ANKRD66: variants seen among roughly 807,000 people sequenced by gnomAD.
ANKRD66 encodes ankyrin repeat domain-containing protein 66.
A neutral mutation model predicts 10.9 loss-of-function variants in ANKRD66; 10 were observed. The observed-to-expected ratio is 0.91, with a 90% CI of 0.56 to 1.55. The LOEUF (loss-of-function observed/expected upper bound fraction) is 1.55. ANKRD66 is among the 40% of genes most tolerant of loss of function. The probability of loss-of-function intolerance (pLI) is 0.00; values close to 1 mark genes in which losing one functional copy is unlikely to be tolerated. For synonymous variants in ANKRD66, 85 were observed against 88.4 expected (o/e 0.96, Z 0.22); for missense variants, 252 against 242.9 (o/e 1.04, Z -0.25).
At chr6:46,753,368 T>C (rs1434070538) in intron 3 of ANKRD66, among the ~76,000 whole-genome samples, 1 of 152,192 alleles carries the variant, frequency 6.6e-6, no homozygotes, top group Non-Finnish European at 1.5e-5. Context: ...GTTGAGACTG[T>C]CAAAAGCACA....
rs959065311 is a variant in ANKRD66 at position 46,748,210 on chromosome 6, T to G, written c.-97+1220T>G. On this transcript the variant is annotated intron_variant, in intron 1 of 4. Coordinates refer to ENST00000565422, the MANE Select transcript of ANKRD66 (RefSeq NM_001162435.3). ...TCAGGAAGTGTGAGTCCTCTAACTT[T>G]GCTCTCTTTCAAGATTGTTTTCTTC... Among the ~76,000 whole-genome samples the G allele has an allele frequency of 5.3e-5, 8 of 152,358 alleles. No homozygotes were observed. In the East Asian group the frequency reaches 5.8e-4, roughly 11 times the overall value.
chr6:46,756,979 C>T (rs990703517), intron 4 of ANKRD66: 12 of 152,186 alleles, frequency 7.9e-5, no homozygotes, highest in African/African-American at 2.7e-4. Flanking sequence ...CAGCCCCTCC[C>T]TAGTGACCAG....
chr6:46,749,274 C>T (rs1258942545), intron 1 of ANKRD66, among the ~76,000 whole-genome samples: 1 of 152,196 alleles, frequency 6.6e-6, no homozygotes, highest in Non-Finnish European at 1.5e-5. Flanking sequence ...GCCTCCATGT[C>T]TCCTGCCAAC....
chr6:46,753,849 T>G lies in ANKRD66; in HGVS notation c.291T>G (p.His97Gln). 1 of 1,551,724 alleles carries G rather than the reference T, an allele frequency of 6.4e-7. No homozygotes were observed. Among genetic ancestry groups the G allele is most frequent in the Non-Finnish European group, 8.7e-7 (1 of 1,146,994 alleles). The change falls in exon 4 of 5, where the codon CAT becomes CAG. Residue 97 changes from histidine (H) to glutamine (Q), a missense_variant. His to Gln is a conservative substitution (Grantham distance 24). Transcript: ENST00000565422. ...AGHLNILKTLHALHAAIDAPD... is the reference protein window; with the variant it reads ...AGHLNILKTLQALHAAIDAPD... ...ATCTGAATATACTCAAAACTCTCCA[T>G]GCATTGCACGCTGCCATCGACGCCC...
At chr6:46,753,463 AG>A (rs1284316303) in intron 3 of ANKRD66, among the ~76,000 whole-genome samples, 1 of 151,984 alleles carries the variant, frequency 6.6e-6, no homozygotes, top group East Asian at 1.9e-4. Flanking sequence ...TGCACAGGGG[AG>A]GGGAGTGTCC....
intron 1 of ANKRD66, 100 bp from the exon 2 acceptor site, chr6:46,749,795 CT>C: frequency 7.2e-7 from 1 of 1,394,630 alleles, no homozygotes; most frequent in Non-Finnish European, 9.5e-7. Context: ...AGAGAAAGCT[CT>C]TTTACTTTCC....
intron 2 of ANKRD66, among the ~76,000 whole-genome samples, chr6:46,750,777 G>T (rs1766253409): frequency 6.6e-6 from 1 of 150,858 alleles, no homozygotes; most frequent in Non-Finnish European, 1.5e-5. Flanking sequence ...GATAATTGTG[G>T]ATATTGTTTG....
intron 1 of ANKRD66, among the ~76,000 whole-genome samples, chr6:46,749,168 C>T (rs1214950081): frequency 3.9e-5 from 6 of 152,182 alleles, no homozygotes; most frequent in Non-Finnish European, 8.8e-5. Flanking sequence ...ACTGCCCAGG[C>T]CCTGCTGGTC....
At chr6:46,750,271 A>ATTTTGTTTATG (rs1766240704) in intron 2 of ANKRD66, among the ~76,000 whole-genome samples, 5 of 152,156 alleles carry the variant, frequency 3.3e-5, no homozygotes, top group Admixed American at 2.0e-4. Context: ...TTATGTGGTT[A>ATTTTGTTTATG]TGGTTGTCAA....
intron 1 of ANKRD66, among the ~76,000 whole-genome samples, chr6:46,747,300 T>C (rs1766164446): frequency 6.6e-6 from 1 of 152,222 alleles, no homozygotes; most frequent in African/African-American, 2.4e-5. Context: ...TAAAGCAGCT[T>C]TGTTAAAATA....
In ANKRD66 at chr6:46,758,984, C is replaced by A; in HGVS notation, c.*63C>A. 2.8e-6 allele frequency: 4 copies of A among 1,453,016 alleles called. No homozygotes were observed. Among genetic ancestry groups the A allele is most frequent in the Non-Finnish European group, 3.7e-6 (4 of 1,085,504 alleles). 90.0% of individuals were successfully genotyped at this position (1,453,016 alleles called of 1,614,324 possible). A position where few individuals can be genotyped will look rare whatever the true frequency, so the allele number is the denominator to read the frequency against. On this transcript the variant is annotated 3_prime_UTR_variant, in exon 5 of 5. Transcript: ENST00000565422. ...TGGTGCCAGAAATGAGGCTGTTAGG[C>A]ATGGTGGCCTTTCCATGACTTTACT...
intron 2 of ANKRD66, 55 bp downstream of exon 2, chr6:46,750,034 G>GTTAGAC (rs1766234386): frequency 1.1e-6 from 1 of 887,952 alleles, no homozygotes; most frequent in Non-Finnish European, 1.8e-6. Context: ...CCCAGGGGCT[G>GTTAGAC]CTGCTGCTGC....
chr6:46,752,864 C>T (rs1330960383), intron 3 of ANKRD66, among the ~76,000 whole-genome samples: 2 of 152,204 alleles, frequency 1.3e-5, no homozygotes, highest in South Asian at 2.1e-4. Flanking sequence ...GTGGCAAAAA[C>T]TCAGGCTGTG....
At chr6:46,749,769 A>G (rs1766228729) in intron 1 of ANKRD66, 127 bp from the exon 2 acceptor site, 9 of 1,198,140 alleles carry the variant, frequency 7.5e-6, no homozygotes, top group Non-Finnish European at 8.9e-6. Flanking sequence ...ATCAGGACCC[A>G]GCTTAGGCCA....
At chr6:46,749,039 G>A (rs1253041202) in intron 1 of ANKRD66, among the ~76,000 whole-genome samples, 1 of 152,186 alleles carries the variant, frequency 6.6e-6, no homozygotes. Context: ...TCGTAGGCCC[G>A]TGGTCACCAT....
At chr6:46,758,633 C>T (rs1174859817) in intron 4 of ANKRD66, 90 bp from the exon 5 acceptor site, 24 of 1,262,576 alleles carry the variant, frequency 1.9e-5, no homozygotes, top group South Asian at 5.1e-5. Flanking sequence ...AACTGAACTG[C>T]GGTGTGCAGA....
intron 2 of ANKRD66, among the ~76,000 whole-genome samples, chr6:46,751,722 C>A (rs937301762): frequency 2.6e-5 from 4 of 152,144 alleles, no homozygotes; most frequent in African/African-American, 7.2e-5. Flanking sequence ...ATTCTGTGTG[C>A]AGTGGGAGCC....
At chr6:46,748,668 A>G (rs1473904904) in intron 1 of ANKRD66, among the ~76,000 whole-genome samples, 1 of 152,182 alleles carries the variant, frequency 6.6e-6, no homozygotes, top group Non-Finnish European at 1.5e-5. Context: ...CTTGTCCTGC[A>G]CACCCAAAGA....
chr6:46,751,977 C>T lies in ANKRD66; in HGVS notation c.29C>T (p.Thr10Ile). The T allele has an allele frequency of 6.7e-7, 1 of 1,484,696 alleles. No homozygotes were observed. Among genetic ancestry groups the T allele is most frequent in the East Asian group, 2.7e-5 (1 of 36,666 alleles). 92.0% of individuals were successfully genotyped at this position (1,484,696 alleles called of 1,614,324 possible). A position where few individuals can be genotyped will look rare whatever the true frequency, so the allele number is the denominator to read the frequency against. Residue 10 changes from threonine to isoleucine, a missense_variant, in exon 3 of 5, where the codon ACA becomes ATA. By Grantham distance (89) the Thr-to-Ile change is moderately conservative. Transcript: ENST00000565422. Reference protein sequence around the residue: MELAKMSDMTKLHQAVAAGD... With the variant: MELAKMSDMIKLHQAVAAGD... ...GAATTGGCCAAAATGTCAGACATGA[C>T]AAAGCTTCACCAAGCTGTGGCTGCA...
Sources: gnomAD v4.1 joint callset for allele counts (sites outside exome capture counted in the v4.1 genomes callset) on GRCh38, gnomAD v4.1.1 for gene constraint, MANE v1.5 for transcripts, NCBI Gene and HGNC (gene_info 2026-07-23, HGNC 2026-07-21) for gene names.